PARP9: variants seen among roughly 807,000 people sequenced by gnomAD.
PARP9 encodes the protein protein mono-ADP-ribosyltransferase PARP9.
Under a neutral mutation model 68.8 loss-of-function variants are expected in PARP9, and 48 were observed. The observed-to-expected ratio is 0.70, with a 90% CI of 0.55 to 0.89. The LOEUF is 0.89. Ranked by LOEUF, PARP9 falls within the 40% of genes least tolerant of loss-of-function variation. The pLI, the probability that PARP9 is intolerant of heterozygous loss-of-function variation, is 0.00. For synonymous variants in PARP9, 309 were observed against 333.8 expected (o/e 0.93, Z 0.81); for missense variants, 806 against 969.3 (o/e 0.83, Z 2.24).
intron 6 of PARP9, among the ~76,000 whole-genome samples, chr3:122,549,371 C>T (rs1002846656): frequency 1.3e-5 from 2 of 152,142 alleles, no homozygotes; most frequent in Non-Finnish European, 2.9e-5. Context: ...CAGTATCCCT[C>T]TTTTAAGGAT....
intron 6 of PARP9, among the ~76,000 whole-genome samples, chr3:122,547,091 T>TATAA (rs2078797298): frequency 8.0e-6 from 1 of 124,580 alleles, no homozygotes; most frequent in Non-Finnish European, 1.8e-5. Context: ...CACACATATA[T>TATAA]ATATACACGT....
At chr3:122,564,110 C>G (rs1276625113) in intron 1 of PARP9, 135 bp downstream of exon 1, 2 of 351,392 alleles carry the variant, frequency 5.7e-6, no homozygotes, top group Non-Finnish European at 1.0e-5. Flanking sequence ...GAGAAACTTA[C>G]TTTCTTTGCA....
intron 6 of PARP9, among the ~76,000 whole-genome samples, chr3:122,550,368 C>T (rs575079978): frequency 1.3e-5 from 2 of 152,234 alleles, no homozygotes; most frequent in African/African-American, 2.4e-5. Context: ...TGTGAGCCAC[C>T]GTGTCTTGCC....
chr3:122,540,431 TG>T (rs775867671), intron 8 of PARP9, 40 bp downstream of exon 8: 2 of 1,600,752 alleles, frequency 1.2e-6, no homozygotes, highest in African/African-American at 2.7e-5. Context: ...GAAGAAACAA[TG>T]GGGAGAATTT....
chr3:122,534,654 C>T (rs2077517700), intron 10 of PARP9: 3 of 197,226 alleles, frequency 1.5e-5, no homozygotes, highest in Non-Finnish European at 2.7e-5. Flanking sequence ...CTGAGGTGGA[C>T]GGATCACGAG....
At position 122,555,836 on chromosome 3, in the gene PARP9, C is replaced by G; in HGVS notation, c.335G>C (p.Gly112Ala). The G allele has an allele frequency of 6.2e-7, 1 of 1,613,948 alleles. No homozygotes were observed. Among genetic ancestry groups the G allele is most frequent in the Non-Finnish European group, 8.5e-7 (1 of 1,179,990 alleles). Residue 112 changes from glycine to alanine, a missense_variant, in exon 4 of 11, where the codon GGA becomes GCA. Physicochemically the swap from Gly to Ala is moderately conservative, Grantham distance 60. Coordinates refer to ENST00000682323, the MANE Select transcript of PARP9 (RefSeq NM_001146105.2). ...TTTTACCAGGGCCAGGGCCAGGCCT[C>G]CCCCATGCAGAAGATCTTCATTGGC... The part of the protein sequence containing the change: ...NAANEDLLHG[G>A]GLALALVKAG...
chr3:122,558,445 T>A lies in PARP9; in HGVS notation c.38A>T (p.Asn13Ile). 6.2e-7 allele frequency: 1 copy of A among 1,614,114 alleles called. No homozygotes were observed. Among genetic ancestry groups the A allele is most frequent in the Non-Finnish European group, 8.5e-7 (1 of 1,179,990 alleles). Reference protein sequence around the residue: ...FSMVAGAAAYNEKSETGALGE... With the variant: ...FSMVAGAAAYIEKSETGALGE... ...CGAGGTAATCCTACCTGATTTTTCATTGTAAGCTGCTGCTCCGGCCACCTG... is the reference window on the plus strand; with the variant it reads ...CGAGGTAATCCTACCTGATTTTTCAATGTAAGCTGCTGCTCCGGCCACCTG... The change falls in exon 3 of 11, where the codon AAT becomes ATT. Residue 13 changes from asparagine (N) to isoleucine (I), a missense_variant. Transcript: ENST00000682323.
chr3:122,536,898 C>A, intron 9 of PARP9, 36 bp downstream of exon 9: 1 of 1,584,038 alleles, frequency 6.3e-7, no homozygotes, highest in South Asian at 1.2e-5. Context: ...TAATTAACAA[C>A]AAAATGAGCC....
chr3:122,547,275 A>G (rs1239699852), intron 6 of PARP9, among the ~76,000 whole-genome samples: 2 of 150,442 alleles, frequency 1.3e-5, no homozygotes, highest in African/African-American at 2.4e-5. Flanking sequence ...TTGTATTTTT[A>G]GTAGAGCTGG....
At chr3:122,531,853 T>G in intron 10 of PARP9, 1 of 152,272 alleles carries the variant, frequency 6.6e-6, no homozygotes, top group Admixed American at 6.5e-5. Flanking sequence ...TAAGAACATT[T>G]TTCTCATTTC....
intron 10 of PARP9, among the ~76,000 whole-genome samples, chr3:122,529,488 C>T (rs1446045379): frequency 2.0e-5 from 3 of 151,994 alleles, no homozygotes; most frequent in Non-Finnish European, 2.9e-5. Flanking sequence ...CGGTGGCTCA[C>T]GCCTGTAATC....
intron 10 of PARP9, chr3:122,533,875 C>T (rs80009626): frequency 0.051 from 50,308 of 985,376 alleles, 1,403 homozygotes; most frequent in Non-Finnish European, 0.057. Flanking sequence ...ACTGAGAGTC[C>T]TATAATTTGG....
rs746291355 is a variant in PARP9, at chr3:122,528,372, CA to C, written c.2451del (p.Val818LeufsTer19). 1 of 1,611,886 alleles carries C rather than the reference CA, an allele frequency of 6.2e-7. No individual in the cohort carries two copies. Among genetic ancestry groups the C allele is most frequent in the Non-Finnish European group, 8.5e-7 (1 of 1,178,666 alleles). ...HPWRGFASGS[P>X]VD Reference sequence around the variant, plus strand: ...TTAAAATGATGTAGAGATTAATCAACAGGGCTGCCACTTGCGAATCCCCTCC... The same window carrying C: ...TTAAAATGATGTAGAGATTAATCAACGGGCTGCCACTTGCGAATCCCCTCC... On this transcript the variant is annotated frameshift_variant, in exon 11 of 11. Coordinates refer to ENST00000682323, the MANE Select transcript of PARP9 (RefSeq NM_001146105.2). LOFTEE classifies it high-confidence loss of function.
intron 10 of PARP9, among the ~76,000 whole-genome samples, chr3:122,531,605 T>G (rs1191651844): frequency 6.6e-6 from 1 of 152,116 alleles, no homozygotes; most frequent in African/African-American, 2.4e-5. Context: ...ATGTATATAA[T>G]TGTATGTATC....
At chr3:122,556,986 G>A (rs922231740) in intron 3 of PARP9, among the ~76,000 whole-genome samples, 3 of 152,006 alleles carry the variant, frequency 2.0e-5, no homozygotes, top group Non-Finnish European at 2.9e-5. Context: ...CCACACCATC[G>A]TGTCCAGCTA....
intron 6 of PARP9, among the ~76,000 whole-genome samples, chr3:122,547,112 CTTTT>C (rs35670026): frequency 5.8e-5 from 6 of 104,030 alleles, no homozygotes; most frequent in African/African-American, 1.5e-4. Flanking sequence ...ATTTTTTTTT[CTTTT>C]TTTTTTTTTT....
chr3:122,536,860 A>G (rs2077682547), intron 9 of PARP9, 74 bp downstream of exon 9: 3 of 1,510,034 alleles, frequency 2.0e-6, no homozygotes, highest in African/African-American at 1.4e-5. Context: ...TCAGCAGGTG[A>G]GCTTTTCCTT....
intron 6 of PARP9, among the ~76,000 whole-genome samples, chr3:122,547,783 G>A (rs1191430368): frequency 6.6e-6 from 1 of 152,084 alleles, no homozygotes; most frequent in Non-Finnish European, 1.5e-5. Context: ...AGCCTGGGAG[G>A]CTGAGGCTTC....
At chr3:122,553,855 C>G (rs888667160) in intron 4 of PARP9, among the ~76,000 whole-genome samples, 1 of 152,028 alleles carries the variant, frequency 6.6e-6, no homozygotes, top group Admixed American at 6.6e-5. Flanking sequence ...TTTGCTGAAC[C>G]CTTAGATGCA....
Sources: gnomAD v4.1 joint callset for allele counts (sites outside exome capture counted in the v4.1 genomes callset) on GRCh38, gnomAD v4.1.1 for gene constraint, MANE v1.5 for transcripts, NCBI Gene and HGNC (gene_info 2026-07-23, HGNC 2026-07-21) for gene names.